The following CDH4 variants were observed in gnomAD, a reference collection of about 807,000 sequenced individuals.
The protein encoded by CDH4 is cadherin-4.
In CDH4, 33 loss-of-function variants were observed where a neutral mutation model predicts 86.0. That is an observed-to-expected ratio of 0.38 (90% CI 0.29 to 0.51). The LOEUF (loss-of-function observed/expected upper bound fraction) is 0.51, where lower values mean the gene tolerates loss of function less well. Ranked by LOEUF, CDH4 falls within the 20% of genes least tolerant of loss-of-function variation. The pLI is 0.86. For synonymous variants in CDH4, 555 were observed against 549.4 expected, an observed-to-expected ratio of 1.01 and a Z score of -0.14; for missense variants, 1,114 against 1,307.4, an observed-to-expected ratio of 0.85 and a Z score of 2.28.
intron 2 of CDH4, among the ~76,000 whole-genome samples, chr20:61,421,059 T>C (rs1244802817): frequency 6.6e-6 from 1 of 152,216 alleles, no homozygotes; most frequent in Non-Finnish European, 1.5e-5. Flanking sequence ...GCAGCTTCCA[T>C]ATGTTACTCA....
chr20:61,758,493 C>T (rs577942109), intron 3 of CDH4, among the ~76,000 whole-genome samples: 2 of 152,116 alleles, frequency 1.3e-5, no homozygotes, highest in Admixed American at 6.5e-5. Context: ...AGAATTGCCA[C>T]GAGGAGTTAG....
At chr20:61,666,140 G>A (rs2087321460) in intron 2 of CDH4, among the ~76,000 whole-genome samples, 1 of 152,216 alleles carries the variant, frequency 6.6e-6, no homozygotes, top group African/African-American at 2.4e-5. Flanking sequence ...TGGCTTGCAA[G>A]TAAGGCCATG....
Position 61,509,479 on chromosome 20 carries a change from G to A in CDH4, c.170-234084G>A, listed in dbSNP as rs943257808. Among the ~76,000 whole-genome samples, 3 of 148,604 alleles carry A rather than the reference G, an allele frequency of 2.0e-5. 1 individual carries two copies. In the South Asian group the frequency reaches 6.8e-4, roughly 34 times the overall value. ...TCAAGCCAGGCTTCCTGGAGGAGGA[G>A]GAGGAGGCATTCGAGATGGGCCCTA... On this transcript the variant is annotated intron_variant, in intron 2 of 15. Transcript: ENST00000614565.
chr20:61,579,000 G>A (rs1200737820), intron 2 of CDH4, among the ~76,000 whole-genome samples: 18 of 151,976 alleles, frequency 1.2e-4, no homozygotes, highest in Admixed American at 7.9e-4. Context: ...TTCCATCCCC[G>A]ACCCTGACCG....
At chr20:61,834,782 T>G (rs1281223184) in intron 4 of CDH4, among the ~76,000 whole-genome samples, 1 of 152,218 alleles carries the variant, frequency 6.6e-6, no homozygotes, top group South Asian at 2.1e-4. Context: ...GCTTTAGCTG[T>G]GTGGCTCTCT....
At chr20:61,404,341 A>T (rs1255914795) in intron 2 of CDH4, among the ~76,000 whole-genome samples, 1 of 152,100 alleles carries the variant, frequency 6.6e-6, no homozygotes, top group Admixed American at 6.5e-5. Flanking sequence ...GCTTCTCTGG[A>T]AAGTTGGGTT....
intron 2 of CDH4, among the ~76,000 whole-genome samples, chr20:61,729,884 G>T (rs556627210): frequency 6.6e-6 from 1 of 152,310 alleles, no homozygotes; most frequent in South Asian, 2.1e-4. Flanking sequence ...CAAGAGAGAG[G>T]TTTCACTGTT....
chr20:61,405,551 A>T (rs2085077114), intron 2 of CDH4, among the ~76,000 whole-genome samples: 1 of 152,050 alleles, frequency 6.6e-6, no homozygotes, highest in Admixed American at 6.6e-5. Context: ...TGATATTCTC[A>T]TGTCTGCCAC....
intron 2 of CDH4, among the ~76,000 whole-genome samples, chr20:61,661,129 G>A (rs7269450): frequency 0.019 from 2,912 of 150,890 alleles, 144 homozygotes; most frequent in African/African-American, 0.067. Flanking sequence ...AGGTGGGTGC[G>A]GTAGGGCAGC....
chr20:61,652,955 T>TTTTTTTTTTTTTTTTA (rs1600842152), intron 2 of CDH4, among the ~76,000 whole-genome samples: 2 of 122,924 alleles, frequency 1.6e-5, no homozygotes, highest in Admixed American at 7.9e-5. Context: ...TTTTTTTTTT[T>TTTTTTTTTTTTTTTTA]ATTGATCATT....
At chr20:61,876,549 G>A (rs1285835154) in intron 7 of CDH4, among the ~76,000 whole-genome samples, 1 of 152,152 alleles carries the variant, frequency 6.6e-6, no homozygotes, top group Admixed American at 6.5e-5. Flanking sequence ...TTCTAGACGT[G>A]CAGACGCAGT....
intron 4 of CDH4, among the ~76,000 whole-genome samples, chr20:61,785,019 G>A (rs551915881): frequency 3.3e-5 from 5 of 152,292 alleles, no homozygotes; most frequent in African/African-American, 9.6e-5. Context: ...ACTCGAGGTC[G>A]AAGCTGTGGC....
chr20:61,633,122 C>G (rs2086911012), intron 2 of CDH4, among the ~76,000 whole-genome samples: 2 of 151,168 alleles, frequency 1.3e-5, no homozygotes, highest in African/African-American at 4.9e-5. Flanking sequence ...GTCCATTCAC[C>G]CACCCATTCA....
intron 4 of CDH4, among the ~76,000 whole-genome samples, chr20:61,805,333 C>T (rs1199661925): frequency 1.3e-5 from 2 of 152,228 alleles, no homozygotes; most frequent in African/African-American, 2.4e-5. Context: ...GCAAAACAAA[C>T]AGGCATCTGC....
intron 2 of CDH4, among the ~76,000 whole-genome samples, chr20:61,375,817 A>G (rs951253558): frequency 0.21 from 2,988 of 14,286 alleles, 34 homozygotes; most frequent in Non-Finnish European, 0.27. Flanking sequence ...TGGTAGTGTG[A>G]TGGTCTTGGT....
At chr20:61,865,103 A>ACCCCTG (rs1983488662) in intron 6 of CDH4, among the ~76,000 whole-genome samples, 1 of 136,806 alleles carries the variant, frequency 7.3e-6, no homozygotes, top group African/African-American at 2.7e-5. Flanking sequence ...CTGTGCTCCC[A>ACCCCTG]CCCCTGCCCC....
In CDH4 at chr20:61,558,480, G is replaced by A. The variant is rs1415056875; in HGVS notation, c.170-185083G>A. Among the ~76,000 whole-genome samples, 5 of 152,318 alleles carry A rather than the reference G, an allele frequency of 3.3e-5. No individual in the cohort carries two copies. The East Asian group carries it at 9.7e-4, about 29-fold the overall frequency. ...TGCAAAGGGGATAGAAGAGGATTTT[G>A]TAGCTCTCTGGGGCTACCTGGCCAT... is the stretch of plus-strand genomic sequence containing the variant. On this transcript the variant is annotated intron_variant, in intron 2 of 15. Coordinates refer to ENST00000614565, the MANE Select transcript of CDH4 (RefSeq NM_001794.5).
At chr20:61,859,557 G>A (rs1032666308) in intron 6 of CDH4, among the ~76,000 whole-genome samples, 2 of 152,218 alleles carry the variant, frequency 1.3e-5, no homozygotes, top group Non-Finnish European at 2.9e-5. Flanking sequence ...TTCATTTTGA[G>A]TTAATTTTTA....
intron 2 of CDH4, among the ~76,000 whole-genome samples, chr20:61,281,400 G>A (rs1249122637): frequency 6.6e-6 from 1 of 152,202 alleles, no homozygotes; most frequent in African/African-American, 2.4e-5. Flanking sequence ...CAGCAGGAAG[G>A]CACCATCCGT....
Sources: allele counts gnomAD v4.1 joint callset (sites outside exome capture counted in the v4.1 genomes callset), GRCh38; gene constraint gnomAD v4.1.1; transcripts MANE v1.5; gene names NCBI Gene and HGNC (gene_info 2026-07-23, HGNC 2026-07-21).